The following SLC28A1 variants were observed in gnomAD, a reference collection of about 807,000 sequenced individuals.
SLC28A1 encodes sodium/nucleoside cotransporter 1.
SLC28A1 carries 64 observed loss-of-function variants against 74.8 expected under a neutral mutation model. The observed-to-expected ratio is 0.86, with a 90% CI of 0.70 to 1.05. SLC28A1 has a LOEUF of 1.05. Among genes scored for constraint, SLC28A1 ranks in the 50% least tolerant of loss-of-function variants. The probability of loss-of-function intolerance (pLI) is 0.00; values close to 1 mark genes in which losing one functional copy is unlikely to be tolerated. For synonymous variants in SLC28A1, 359 were observed against 335.0 expected (o/e 1.07, Z -0.78); for missense variants, 828 against 822.8 (o/e 1.01, Z -0.08).
chr15:84,947,626 C>T (rs760925815), downstream of SLC28A1, among the ~76,000 whole-genome samples: 16 of 152,242 alleles, frequency 1.1e-4, no homozygotes, highest in Non-Finnish European at 2.1e-4. Flanking sequence ...CTAGAAGATG[C>T]TGTGCCTGGT....
intron 15 of SLC28A1, 75 bp downstream of exon 15, chr15:84,935,593 C>A: frequency 7.8e-7 from 1 of 1,290,140 alleles, no homozygotes; most frequent in South Asian, 1.2e-5. Flanking sequence ...CTGGCAGCTG[C>A]TCTCCCGCTC....
chr15:84,904,240 T>C lies in SLC28A1; in HGVS notation c.603+2T>C. 6.2e-7 allele frequency: 1 copy of C among 1,613,814 alleles called. No homozygotes were observed. Among genetic ancestry groups the C allele is most frequent in the Non-Finnish European group, 8.5e-7 (1 of 1,180,012 alleles). On this transcript the variant is annotated splice_donor_variant, in intron 7 of 18. Transcript: ENST00000394573. LOFTEE classifies it high-confidence loss of function. Reference sequence around the variant, plus strand: ...GCCTGCTCAAAGCATCATTGCGCAGTGAGTGCTAGTTGTGGGGCCCAGGGC... The same window carrying C: ...GCCTGCTCAAAGCATCATTGCGCAGCGAGTGCTAGTTGTGGGGCCCAGGGC...
At chr15:84,895,754 T>TC in intron 6 of SLC28A1, 1 of 1,217,378 alleles carries the variant, frequency 8.2e-7, no homozygotes, top group Non-Finnish European at 1.0e-6. Flanking sequence ...GAAAATTCGC[T>TC]GGGGGAAAAA....
chr15:84,901,086 G>A (rs898203980), intron 6 of SLC28A1, among the ~76,000 whole-genome samples: 9 of 152,178 alleles, frequency 5.9e-5, no homozygotes, highest in African/African-American at 2.2e-4. Context: ...GCTGGGCGTA[G>A]TGGCGCACAC....
intron 9 of SLC28A1, among the ~76,000 whole-genome samples, chr15:84,914,129 T>C (rs1968738809): frequency 6.6e-6 from 1 of 152,106 alleles, no homozygotes. Context: ...TTTTGAATTT[T>C]GGTAGATACA....
rs1158275323 is a variant in SLC28A1, at chr15:84,933,957, A to G, written c.1214+682A>G. Among the ~76,000 whole-genome samples, 3 of 152,336 alleles carry G rather than the reference A, an allele frequency of 2.0e-5. No homozygotes were observed. The East Asian group carries it at 5.8e-4, about 29-fold the overall frequency. ...ACCACTGTACTCCAGCCTGGGCAAC[A>G]GAGCGAAACTCCGTCTCAAAAACAA... is the stretch of plus-strand genomic sequence containing the variant. On this transcript the variant is annotated intron_variant, in intron 13 of 18. Transcript: ENST00000394573.
At chr15:84,923,414 G>A (rs1375336730) in intron 11 of SLC28A1, among the ~76,000 whole-genome samples, 2 of 152,046 alleles carry the variant, frequency 1.3e-5, no homozygotes, top group South Asian at 2.1e-4. Flanking sequence ...TTATCCTGTC[G>A]ACGCCATGTT....
chr15:84,944,851 C>T lies in SLC28A1; in HGVS notation c.1858C>T (p.Arg620Cys), dbSNP rs762209775. Residue 620 changes from arginine (R) to cysteine (C), a missense_variant, in exon 18 of 19, where the codon CGT becomes TGT. Arg to Cys is a radical substitution (Grantham distance 180). Coordinates refer to ENST00000394573, the MANE Select transcript of SLC28A1 (RefSeq NM_004213.5). ...SSSFEIYQCC[R>C]EAFQSVNPEF... The stretch of plus-strand genomic sequence containing the variant: ...TAGCTTTGAGATTTACCAGTGCTGC[C>T]GTGAGGCCTTCCAGAGGTGAGGGCC... 21 of 1,612,348 alleles carry T rather than the reference C, an allele frequency of 1.3e-5. 1 individual carries two copies. Among genetic ancestry groups the T allele is most frequent in the East Asian group, 4.5e-5 (2 of 44,890 alleles).
At chr15:84,910,716 G>A (rs139778382) in intron 9 of SLC28A1, among the ~76,000 whole-genome samples, 18 of 152,118 alleles carry the variant, frequency 1.2e-4, no homozygotes, top group African/African-American at 1.7e-4. Flanking sequence ...CAACAAGAGC[G>A]AAACTGCATC....
intron 5 of SLC28A1, among the ~76,000 whole-genome samples, chr15:84,891,902 A>AGAAGGAATAT (rs1286513284): frequency 6.6e-6 from 1 of 152,046 alleles, no homozygotes; most frequent in African/African-American, 2.4e-5. Flanking sequence ...GGGAGTTTGT[A>AGAAGGAATAT]GAAGGAATAT....
At chr15:84,935,666 G>T in intron 15 of SLC28A1, 148 bp downstream of exon 15, 2 of 691,966 alleles carry the variant, frequency 2.9e-6, no homozygotes, top group Non-Finnish European at 4.9e-6. Context: ...AGTCCTGGGA[G>T]ACAGGACAGC....
chr15:84,920,008 G>T (rs1310633596), intron 10 of SLC28A1, among the ~76,000 whole-genome samples: 2 of 152,156 alleles, frequency 1.3e-5, no homozygotes, highest in East Asian at 3.8e-4. Flanking sequence ...GAAGGAATAG[G>T]GAATGAGGAG....
At chr15:84,941,281 C>G (rs370474258) in intron 15 of SLC28A1, 1 of 151,684 alleles carries the variant, frequency 6.6e-6, no homozygotes, top group South Asian at 2.1e-4. Context: ...TCTCGGCTCA[C>G]TGCAAGCTCT....
At chr15:84,889,625 A>G (rs1209123432) in intron 4 of SLC28A1, among the ~76,000 whole-genome samples, 2 of 151,934 alleles carry the variant, frequency 1.3e-5, no homozygotes, top group African/African-American at 4.8e-5. Flanking sequence ...GCAGCCATCC[A>G]TGTTTTTCTT....
chr15:84,945,404 C>T lies in SLC28A1; in HGVS notation c.*204C>T. On this transcript the variant is annotated 3_prime_UTR_variant, in exon 19 of 19. Coordinates refer to ENST00000394573, the MANE Select transcript of SLC28A1 (RefSeq NM_004213.5). ...AGGAAGGACATGTCCCACTCCATCCCCCTTCCTGCTCCCCCATTTCCTAAC... is the reference window on the plus strand; with the variant it reads ...AGGAAGGACATGTCCCACTCCATCCTCCTTCCTGCTCCCCCATTTCCTAAC... 1.6e-6 allele frequency: 1 copy of T among 607,344 alleles called. No homozygotes were observed. The highest frequency in any genetic ancestry group is 3.0e-6 in the Non-Finnish European group (1 of 332,356). 37.6% of individuals were successfully genotyped at this position (607,344 alleles called of 1,614,324 possible). A position where few individuals can be genotyped will look rare whatever the true frequency, so the allele number is the denominator to read the frequency against.
intron 5 of SLC28A1, among the ~76,000 whole-genome samples, chr15:84,893,243 G>A (rs1200685967): frequency 4.6e-5 from 7 of 151,964 alleles, no homozygotes; most frequent in Admixed American, 4.6e-4. Context: ...TAGGGGTCTT[G>A]TGAGGATTCA....
At chr15:84,906,573 T>TCTTTCTCTTTCTTTCTTC (rs1967246980) in intron 8 of SLC28A1, among the ~76,000 whole-genome samples, 1 of 97,962 alleles carries the variant, frequency 1.0e-5, no homozygotes, top group Non-Finnish European at 2.2e-5. Context: ...TCTCTTTCTT[T>TCTTTCTCTTTCTTTCTTC]CTTCCTTCCT....
At chr15:84,946,096 A>ATATATATGTGTGTATGTT (rs2079205377), downstream of SLC28A1, among the ~76,000 whole-genome samples, 1 of 14,890 alleles carries the variant, frequency 6.7e-5, no homozygotes, top group African/African-American at 1.9e-4. Flanking sequence ...ATATATATAT[A>ATATATATGTGTGTATGTT]TATATATATA....
chr15:84,934,877 C>T (rs931025441), intron 13 of SLC28A1, 149 bp from the exon 14 acceptor site: 1 of 732,310 alleles, frequency 1.4e-6, no homozygotes, highest in Non-Finnish European at 2.4e-6. Flanking sequence ...GTGCTTTGAC[C>T]AGCCCCTTTT....
Sources: allele counts gnomAD v4.1 joint callset (sites outside exome capture counted in the v4.1 genomes callset), GRCh38; gene constraint gnomAD v4.1.1; transcripts MANE v1.5; gene names NCBI Gene and HGNC (gene_info 2026-07-23, HGNC 2026-07-21).